The following DAB1 variants were observed in gnomAD, a reference collection of about 807,000 sequenced individuals.
The protein encoded by DAB1 is disabled homolog 1.
A neutral mutation model predicts 64.6 loss-of-function variants in DAB1; 15 were observed. That is an observed-to-expected ratio of 0.23 (90% CI 0.16 to 0.36). The LOEUF is 0.36. Ranked by LOEUF, DAB1 falls within the 10% of genes least tolerant of loss-of-function variation. The pLI is 1.00. For missense variants in DAB1, 596 were observed against 706.7 expected (o/e 0.84, Z 1.78); for synonymous variants, 235 against 251.9 (o/e 0.93, Z 0.64).
intron 7 of DAB1, among the ~76,000 whole-genome samples, chr1:57,579,824 G>T (rs1424154318): frequency 2.0e-5 from 3 of 152,140 alleles, no homozygotes; most frequent in Admixed American, 6.5e-5. Context: ...CCTTGGTGAG[G>T]TATGGTAAAA....
intron 4 of DAB1, among the ~76,000 whole-genome samples, chr1:58,198,588 T>C (rs980252951): frequency 1.3e-5 from 2 of 152,174 alleles, no homozygotes; most frequent in Non-Finnish European, 2.9e-5. Context: ...GTAACCAACC[T>C]CTTCTATATT....
intron 6 of DAB1, among the ~76,000 whole-genome samples, chr1:57,757,220 T>TTTTTTTTTTTG (rs200688727): frequency 0.02 from 2,391 of 119,552 alleles, 259 homozygotes; most frequent in African/African-American, 0.024. Flanking sequence ...TTTTTTTTTT[T>TTTTTTTTTTTG]AGCAGCAATG....
At chr1:58,034,190 G>A (rs539537094) in intron 5 of DAB1, among the ~76,000 whole-genome samples, 9 of 152,298 alleles carry the variant, frequency 5.9e-5, no homozygotes, top group Admixed American at 3.9e-4. Flanking sequence ...TCGCTTGCTC[G>A]GATAAAGCTG....
intron 7 of DAB1, among the ~76,000 whole-genome samples, chr1:57,466,032 A>G (rs562851581): frequency 1.3e-5 from 2 of 152,324 alleles, no homozygotes; most frequent in African/African-American, 4.8e-5. Context: ...TTTAATAGCT[A>G]GGAGGATGCA....
intron 9 of DAB1, among the ~76,000 whole-genome samples, chr1:57,057,701 G>A (rs1052468608): frequency 3.3e-5 from 5 of 150,220 alleles, no homozygotes; most frequent in Admixed American, 6.7e-5. Context: ...TCTGCCTCCC[G>A]GGTTCACACC....
chr1:57,908,103 G>A (rs1228973753), intron 5 of DAB1, among the ~76,000 whole-genome samples: 7 of 151,954 alleles, frequency 4.6e-5, no homozygotes, highest in Admixed American at 1.3e-4. Flanking sequence ...TGCCTGAAAC[G>A]TCATTGTGCA....
chr1:58,028,107 C>T (rs183423512), intron 5 of DAB1, among the ~76,000 whole-genome samples: 2 of 152,296 alleles, frequency 1.3e-5, no homozygotes, highest in Admixed American at 1.3e-4. Flanking sequence ...GTATTTTACA[C>T]ACATCCTCAC....
intron 7 of DAB1, among the ~76,000 whole-genome samples, chr1:57,519,030 T>C (rs544559517): frequency 1.3e-5 from 2 of 152,282 alleles, no homozygotes; most frequent in Non-Finnish European, 2.9e-5. Context: ...TTTCCACTAT[T>C]TCTTCGGCGC....
At chr1:57,709,097 T>C (rs567672649) in intron 6 of DAB1, among the ~76,000 whole-genome samples, 105 of 152,292 alleles carry the variant, frequency 6.9e-4, no homozygotes, top group African/African-American at 2.3e-3. Flanking sequence ...TTTTCTATTC[T>C]CTTTTCCTGA....
At chr1:57,397,594 T>C (rs1199080626) in intron 1 of DAB1, among the ~76,000 whole-genome samples, 6 of 152,158 alleles carry the variant, frequency 3.9e-5, no homozygotes, top group Admixed American at 3.9e-4. Context: ...GTCACTGCCA[T>C]GTATGGGAGG....
chr1:58,113,559 A>T (rs1652116854), intron 5 of DAB1, among the ~76,000 whole-genome samples: 1 of 152,116 alleles, frequency 6.6e-6, no homozygotes. Context: ...TGTGTGTATG[A>T]GTGTGGGCAT....
intron 7 of DAB1, among the ~76,000 whole-genome samples, chr1:57,500,668 G>A (rs900387880): frequency 7.9e-5 from 12 of 152,140 alleles, no homozygotes; most frequent in African/African-American, 1.9e-4. Flanking sequence ...TTTCGTTTAT[G>A]CCAAGGAGAA....
chr1:58,249,653 T>C (rs1022818217), intron 4 of DAB1, among the ~76,000 whole-genome samples: 18 of 152,212 alleles, frequency 1.2e-4, no homozygotes, highest in African/African-American at 3.9e-4. Flanking sequence ...CCCCCGGAAG[T>C]CTCGACGCTG....
At chr1:58,344,597 C>T (rs1220036788) in intron 3 of DAB1, among the ~76,000 whole-genome samples, 2 of 152,076 alleles carry the variant, frequency 1.3e-5, no homozygotes, top group Non-Finnish European at 2.9e-5. Flanking sequence ...CTAGATAATC[C>T]GAAAAGCCCC....
At position 58,216,319 on chromosome 1, in the gene DAB1, G is replaced by A. The variant is rs552478730; in HGVS notation, n.310-65731C>T. ...CCTGAGTTAGTTTGCTGAGAATGAT[G>A]GTTTCTAGCTTCATCCATGTCCTTG... is the stretch of plus-strand genomic sequence containing the variant. On this transcript the variant is annotated intron_variant and non_coding_transcript_variant, in intron 4 of 20. Coordinates refer to the DAB1 transcript ENST00000485760. Among the ~76,000 whole-genome samples the A allele has an allele frequency of 8.5e-5, 13 of 152,250 alleles. No individual in the cohort carries two copies. The South Asian group carries it at 2.7e-3, about 32-fold the overall frequency.
At chr1:58,254,471 C>T in intron 4 of DAB1, among the ~76,000 whole-genome samples, 1 of 133,824 alleles carries the variant, frequency 7.5e-6, no homozygotes, top group Non-Finnish European at 1.6e-5. Flanking sequence ...TATACATGTG[C>T]CATGCTGGTG....
At chr1:58,227,783 C>G (rs896547191) in intron 4 of DAB1, among the ~76,000 whole-genome samples, 1 of 152,162 alleles carries the variant, frequency 6.6e-6, no homozygotes, top group Non-Finnish European at 1.5e-5. Context: ...TGTTTCTCCC[C>G]CTTCTCTTCC....
At chr1:57,937,503 C>T (rs1433295102) in intron 5 of DAB1, among the ~76,000 whole-genome samples, 1 of 151,992 alleles carries the variant, frequency 6.6e-6, no homozygotes, top group Non-Finnish European at 1.5e-5. Context: ...AACACAGCTA[C>T]CAAGGGAGGC....
chr1:57,889,357 T>C (rs1430574302), intron 5 of DAB1, among the ~76,000 whole-genome samples: 1 of 152,206 alleles, frequency 6.6e-6, no homozygotes, highest in African/African-American at 2.4e-5. Context: ...TAGGACCATA[T>C]TTTCTGTTAT....
Sources: allele counts gnomAD v4.1 joint callset (sites outside exome capture counted in the v4.1 genomes callset), GRCh38; gene constraint gnomAD v4.1.1; transcripts MANE v1.5; gene names NCBI Gene and HGNC (gene_info 2026-07-23, HGNC 2026-07-21).